The following TGIF1 variants were observed in gnomAD, a reference collection of about 807,000 sequenced individuals.
TGIF1 encodes TGFB induced factor homeobox 1.
In TGIF1, 4 loss-of-function variants were observed where a neutral mutation model predicts 19.3. That is an observed-to-expected ratio of 0.21 (90% CI 0.10 to 0.47). The LOEUF (loss-of-function observed/expected upper bound fraction) is 0.47, where lower values mean the gene tolerates loss of function less well. TGIF1 is among the 20% of genes least tolerant of loss of function. TGIF1 has a pLI of 0.98. For synonymous variants in TGIF1, 122 were observed against 129.3 expected (o/e 0.94, Z 0.38); for missense variants, 275 against 341.4 (o/e 0.81, Z 1.53).
At chr18:3,452,032 C>A in intron 1 of TGIF1, 2 of 1,611,508 alleles carry the variant, frequency 1.2e-6, no homozygotes, top group Non-Finnish European at 1.7e-6. Context: ...CCGCATTGTT[C>A]GGGCTCCGGC....
chr18:3,450,629 G>A (rs1414977075), intron 1 of TGIF1, 124 bp downstream of exon 1: 3 of 1,529,758 alleles, frequency 2.0e-6, no homozygotes, highest in Non-Finnish European at 2.6e-6. Context: ...CTGGAGTGGC[G>A]GCCGTGCTCT....
chr18:3,449,512 C>T, upstream of TGIF1: 2 of 985,490 alleles, frequency 2.0e-6, no homozygotes, highest in Non-Finnish European at 2.4e-6. Flanking sequence ...GGGGAACAGA[C>T]GTTCGTTTAG....
intron 2 of TGIF1, among the ~76,000 whole-genome samples, chr18:3,443,222 ACTAT>A (rs1327940559): frequency 2.6e-5 from 4 of 152,196 alleles, no homozygotes; most frequent in Admixed American, 1.3e-4. Flanking sequence ...ATGTAATTGC[ACTAT>A]CTTTTTGTGC....
At chr18:3,437,234 A>G (rs938187739) in intron 2 of TGIF1, among the ~76,000 whole-genome samples, 3 of 152,186 alleles carry the variant, frequency 2.0e-5, no homozygotes, top group Non-Finnish European at 4.4e-5. Flanking sequence ...GATAGTTGAC[A>G]TGACTTCTCT....
chr18:3,455,783 T>TA (rs1169359930), intron 1 of TGIF1: 38 of 162,394 alleles, frequency 2.3e-4, no homozygotes, highest in African/African-American at 8.9e-4. Flanking sequence ...ACATGTGTTT[T>TA]ACCTTTAGAA....
rs1019580673 is a variant in TGIF1, at chr18:3,452,492, G to T, written c.16+1987G>T. The stretch of plus-strand genomic sequence containing the variant: ...CCCTTTTAGGTTTCCCTGGCGAGTC[G>T]TCTGGGGTGGGCAGGCCTCTGAGAA... On this transcript the variant is annotated intron_variant, in intron 1 of 2. Coordinates refer to ENST00000343820, the MANE Select transcript of TGIF1 (RefSeq NM_003244.4). The T allele has an allele frequency of 2.7e-6, 4 of 1,509,272 alleles. No individual in the cohort carries two copies. In the African/African-American group the frequency reaches 5.5e-5, roughly 21 times the overall value. 93.5% of individuals were successfully genotyped at this position (1,509,272 alleles called of 1,614,324 possible). A position where few individuals can be genotyped will look rare whatever the true frequency, so the allele number is the denominator to read the frequency against.
At chr18:3,430,500 T>A (rs775130225) in intron 2 of TGIF1, among the ~76,000 whole-genome samples, 6 of 152,112 alleles carry the variant, frequency 3.9e-5, no homozygotes, top group Non-Finnish European at 5.9e-5. Flanking sequence ...GGTTTAGTTT[T>A]GTTTTGTTTT....
In TGIF1 at chr18:3,443,958, G is replaced by A. The variant is rs376897742; in HGVS notation, c.-44-12396G>A. ...TTTCTTTTTTTTTTTTTTTTGAGAC[G>A]GAGTCTAGCTCTTTCACCCAGGCTG... On this transcript the variant is annotated intron_variant, in intron 2 of 3. Transcript: ENST00000401449. Among the ~76,000 whole-genome samples, 11 of 145,684 alleles carry A rather than the reference G, an allele frequency of 7.6e-5. No individual in the cohort carries two copies. In the East Asian group the frequency reaches 1.4e-3, roughly 19 times the overall value.
chr18:3,424,529 T>C (rs1446528194), intron 2 of TGIF1, among the ~76,000 whole-genome samples: 5 of 142,162 alleles, frequency 3.5e-5, no homozygotes, highest in Non-Finnish European at 3.0e-5. Context: ...ACCCATTTCC[T>C]GGCAAGCAAC....
chr18:3,412,514 G>A (rs2082284210), intron 1 of TGIF1, among the ~76,000 whole-genome samples: 1 of 152,220 alleles, frequency 6.6e-6, no homozygotes, highest in African/African-American at 2.4e-5. Context: ...AGGAGCAGGT[G>A]CGCTTCTAAA....
chr18:3,422,137 T>C (rs1055983918), intron 2 of TGIF1, among the ~76,000 whole-genome samples: 5 of 143,486 alleles, frequency 3.5e-5, no homozygotes, highest in African/African-American at 1.3e-4. Flanking sequence ...GAGATTGCAG[T>C]GAGCAGAGAT....
chr18:3,456,752 A>G lies in TGIF1; in HGVS notation c.243+172A>G, dbSNP rs1185689181. 1.4e-6 allele frequency: 1 copy of G among 719,338 alleles called. No homozygotes were observed. The highest frequency in any genetic ancestry group is 1.7e-5 in the African/African-American group (1 of 57,334). The allele number at this position is 719,338 out of a possible 1,614,324, so 44.6% of individuals were successfully genotyped here. Reference sequence around the variant, plus strand: ...TAATAACTAGCTATTTAGAGAACACAGAAACACTTGACAGTCATCTATCAG... The same window carrying G: ...TAATAACTAGCTATTTAGAGAACACGGAAACACTTGACAGTCATCTATCAG... On this transcript the variant is annotated intron_variant, in intron 2 of 2. Coordinates refer to ENST00000343820, the MANE Select transcript of TGIF1 (RefSeq NM_003244.4). This position sits in a 1 kb window ranked among gnomAD's most constrained non-coding sequence, Gnocchi z 4.2.
chr18:3,438,208 C>A (rs1212559257), intron 2 of TGIF1, among the ~76,000 whole-genome samples: 1 of 152,022 alleles, frequency 6.6e-6, no homozygotes, highest in South Asian at 2.1e-4. Context: ...CGCAGTGAAC[C>A]TAAGTCAAGC....
chr18:3,426,226 T>C (rs1221623503), intron 2 of TGIF1, among the ~76,000 whole-genome samples: 1 of 144,792 alleles, frequency 6.9e-6, no homozygotes, highest in African/African-American at 2.6e-5. Flanking sequence ...TGGAGTGCAG[T>C]GACACAATCT....
chr18:3,424,895 T>C (rs141825105), intron 2 of TGIF1, among the ~76,000 whole-genome samples: 2,016 of 152,342 alleles, frequency 0.013, 45 homozygotes, highest in African/African-American at 0.045. Flanking sequence ...ATCTCTTCCA[T>C]CTGGCTGTTC....
In TGIF1 at chr18:3,431,839, A is replaced by G. The variant is rs116154193; in HGVS notation, c.-45+13624A>G. Among the ~76,000 whole-genome samples, 738 of 152,278 alleles carry G rather than the reference A, an allele frequency of 4.8e-3. 5 individuals are homozygous for G. The highest frequency in any genetic ancestry group is 0.017 in the African/African-American group (701 of 41,560). On this transcript the variant is annotated intron_variant, in intron 2 of 3. Coordinates refer to the TGIF1 transcript ENST00000401449. ...TTAAAATCACGTGCCACCTAATAAAATGTACTAAGGGCCGGGTGCTGTGGC... is the reference window on the plus strand; with the variant it reads ...TTAAAATCACGTGCCACCTAATAAAGTGTACTAAGGGCCGGGTGCTGTGGC...
chr18:3,437,241 C>T (rs2082625620), intron 2 of TGIF1, among the ~76,000 whole-genome samples: 2 of 152,154 alleles, frequency 1.3e-5, no homozygotes, highest in African/African-American at 4.8e-5. Context: ...GACATGACTT[C>T]TCTGTGTGTG....
At position 3,458,234 on chromosome 18, in the gene TGIF1, G is replaced by A. The variant is rs1283811554; in HGVS notation, c.*294G>A. The stretch of plus-strand genomic sequence containing the variant: ...TTTTTTCCTCCCCTTCCCTTTTTTT[G>A]TTATTTTTTCAGACTGTGCAATACT... On this transcript the variant is annotated 3_prime_UTR_variant, in exon 3 of 3. Coordinates refer to ENST00000343820, the MANE Select transcript of TGIF1 (RefSeq NM_003244.4). The A allele has an allele frequency of 5.3e-6, 2 of 377,518 alleles. No individual in the cohort carries two copies. The highest frequency in any genetic ancestry group is 9.6e-6 in the Non-Finnish European group (2 of 209,140). The allele number at this position is 377,518 out of a possible 1,614,324, so 23.4% of individuals were successfully genotyped here.
At chr18:3,447,928 C>T, upstream of TGIF1, 1 of 1,455,840 alleles carries the variant, frequency 6.9e-7, no homozygotes, top group Non-Finnish European at 9.5e-7. Flanking sequence ...GTTCCCATCT[C>T]GGTTGCCTGA....
Sources: allele counts gnomAD v4.1 joint callset (sites outside exome capture counted in the v4.1 genomes callset), GRCh38; gene constraint gnomAD v4.1.1; non-coding constraint Gnocchi (gnomAD v3.1); transcripts MANE v1.5; gene names NCBI Gene and HGNC (gene_info 2026-07-23, HGNC 2026-07-21).